The following IGSF11 variants were observed in gnomAD, a reference collection of about 807,000 sequenced individuals.
IGSF11 encodes the protein immunoglobulin superfamily member 11, also known as CXADR like 1.
IGSF11 carries 22 observed loss-of-function variants against 41.0 expected under a neutral mutation model. The ratio of observed to expected loss-of-function variants is 0.54; its 90% CI spans 0.38 to 0.77. The LOEUF (loss-of-function observed/expected upper bound fraction) is 0.77, where lower values mean the gene tolerates loss of function less well. IGSF11 is among the 30% of genes least tolerant of loss of function. IGSF11 has a pLI of 0.00. For missense variants in IGSF11, 444 were observed against 530.8 expected (o/e 0.84, Z 1.61); for synonymous variants, 219 against 201.3 (o/e 1.09, Z -0.74).
intron 4 of IGSF11, among the ~76,000 whole-genome samples, chr3:118,914,324 C>G (rs1940770571): frequency 6.6e-6 from 1 of 151,948 alleles, no homozygotes; most frequent in African/African-American, 2.4e-5. Context: ...CGGGTGATTT[C>G]TGCATTTCCA....
intron 1 of IGSF11, among the ~76,000 whole-genome samples, chr3:119,006,528 A>T (rs1205331870): frequency 3.8e-5 from 5 of 130,672 alleles, no homozygotes; most frequent in Non-Finnish European, 7.9e-5. Context: ...CCTTTGGAGG[A>T]GGAGAGGCGC....
At chr3:119,132,756 T>C (rs145983823) in intron 1 of IGSF11, among the ~76,000 whole-genome samples, 1,917 of 152,118 alleles carry the variant, frequency 0.013, 31 homozygotes, top group African/African-American at 0.044. Flanking sequence ...CCCAAATCAA[T>C]AGAATATACA....
intron 1 of IGSF11, among the ~76,000 whole-genome samples, chr3:118,965,533 TA>T (rs34598990): frequency 0.028 from 4,018 of 143,850 alleles, 88 homozygotes; most frequent in East Asian, 0.073. Context: ...CAGATAGAGG[TA>T]AAAAAAAAAA....
At chr3:119,026,042 G>C (rs1939789526) in intron 1 of IGSF11, among the ~76,000 whole-genome samples, 1 of 152,060 alleles carries the variant, frequency 6.6e-6, no homozygotes, top group Non-Finnish European at 1.5e-5. Flanking sequence ...AGGCCGAGGT[G>C]GGCGGATCAC....
chr3:119,126,983 T>G (rs766456873), intron 1 of IGSF11, among the ~76,000 whole-genome samples: 2 of 152,018 alleles, frequency 1.3e-5, no homozygotes, highest in South Asian at 4.2e-4. Flanking sequence ...CTCCAAATGA[T>G]TGCAATGTCT....
At chr3:118,911,672 GGAGAGAGGA>G (rs1171194881) in intron 4 of IGSF11, among the ~76,000 whole-genome samples, 1 of 151,652 alleles carries the variant, frequency 6.6e-6, no homozygotes, top group African/African-American at 2.4e-5. Flanking sequence ...AGAACAAAGA[GGAGAGAGGA>G]GAGAGAAGAG....
chr3:119,092,002 G>C (rs200245370), intron 1 of IGSF11, among the ~76,000 whole-genome samples: 4 of 146,750 alleles, frequency 2.7e-5, no homozygotes, highest in Non-Finnish European at 6.0e-5. Flanking sequence ...TTGGGGGGGG[G>C]GGGTTGGTGG....
chr3:119,134,330 C>A (rs1052755351), intron 1 of IGSF11, among the ~76,000 whole-genome samples: 7 of 152,132 alleles, frequency 4.6e-5, no homozygotes, highest in Admixed American at 4.6e-4. Context: ...CGTCTCAGCC[C>A]AAAATCTCCT....
intron 1 of IGSF11, among the ~76,000 whole-genome samples, chr3:118,978,952 T>C (rs1355258003): frequency 6.6e-6 from 1 of 151,464 alleles, no homozygotes; most frequent in Non-Finnish European, 1.5e-5. Flanking sequence ...TCATGAAATC[T>C]CAGAAAAAGA....
intron 4 of IGSF11, among the ~76,000 whole-genome samples, chr3:118,912,743 T>C (rs1455918684): frequency 1.3e-5 from 2 of 152,206 alleles, no homozygotes; most frequent in Admixed American, 6.5e-5. Flanking sequence ...CATAAAGTTA[T>C]GTGAAGGTCA....
chr3:119,076,666 C>T (rs1255159901), intron 1 of IGSF11, among the ~76,000 whole-genome samples: 4 of 152,208 alleles, frequency 2.6e-5, no homozygotes, highest in Non-Finnish European at 1.5e-5. Context: ...AAAAAATGCT[C>T]ATCATCACTG....
intron 1 of IGSF11, chr3:118,949,325 A>G (rs975421328): frequency 6.3e-4 from 3 of 4,774 alleles, no homozygotes; most frequent in African/African-American, 0.011. Flanking sequence ...CCACCTGAGG[A>G]AAAAAAAAAA....
chr3:119,034,289 G>A (rs752801347), intron 1 of IGSF11, among the ~76,000 whole-genome samples: 121 of 152,128 alleles, frequency 8.0e-4, no homozygotes, highest in Non-Finnish European at 1.5e-3. Context: ...GCCTGGGACC[G>A]GAGGTAGCCG....
intron 1 of IGSF11, among the ~76,000 whole-genome samples, chr3:119,080,623 A>C (rs541271035): frequency 6.6e-6 from 1 of 152,204 alleles, no homozygotes; most frequent in Admixed American, 6.5e-5. Flanking sequence ...TGAAGTTGAT[A>C]ATTTATTGAA....
At chr3:119,060,457 T>C (rs1341409432) in intron 1 of IGSF11, among the ~76,000 whole-genome samples, 1 of 143,470 alleles carries the variant, frequency 7.0e-6, no homozygotes, top group Admixed American at 6.9e-5. Flanking sequence ...GAACCAGTGA[T>C]GGGTGTACAT....
intron 1 of IGSF11, among the ~76,000 whole-genome samples, chr3:119,028,173 A>G (rs1015329359): frequency 1.3e-5 from 2 of 152,180 alleles, no homozygotes; most frequent in African/African-American, 4.8e-5. Context: ...ATATTTTGAG[A>G]GATGTATAAA....
intron 1 of IGSF11, among the ~76,000 whole-genome samples, chr3:119,022,467 A>G (rs1939389477): frequency 1.3e-5 from 2 of 152,244 alleles, no homozygotes; most frequent in Admixed American, 1.3e-4. Context: ...AATGTAAAAT[A>G]CCAAAAATGA....
chr3:119,012,635 C>T (rs922397494), intron 1 of IGSF11: 3 of 152,208 alleles, frequency 2.0e-5, no homozygotes, highest in Admixed American at 6.5e-5. Flanking sequence ...CTCCCATCAA[C>T]ATTTTTTCCC....
At chr3:119,044,358 G>C (rs1348184210) in intron 1 of IGSF11, among the ~76,000 whole-genome samples, 5 of 151,608 alleles carry the variant, frequency 3.3e-5, no homozygotes, top group African/African-American at 1.2e-4. Context: ...TCAGACAAGG[G>C]TAAAGAAAAA....
Sources: allele counts gnomAD v4.1 joint callset (sites outside exome capture counted in the v4.1 genomes callset), GRCh38; gene constraint gnomAD v4.1.1; transcripts MANE v1.5; gene names NCBI Gene and HGNC (gene_info 2026-07-23, HGNC 2026-07-21).